SLC4A5: variants seen among roughly 807,000 people sequenced by gnomAD.
The protein encoded by SLC4A5 is solute carrier family 4 member 5, also known as electrogenic sodium bicarbonate cotransporter 4.
SLC4A5 carries 96 observed loss-of-function variants against 120.4 expected under a neutral mutation model. The ratio of observed to expected loss-of-function variants is 0.80; its 90% CI spans 0.68 to 0.94. The LOEUF is 0.94. Among genes scored for constraint, SLC4A5 ranks in the 40% least tolerant of loss-of-function variants. The pLI, the probability that SLC4A5 is intolerant of heterozygous loss-of-function variation, is 0.00. For missense variants in SLC4A5, 1,259 were observed against 1,459.5 expected, an observed-to-expected ratio of 0.86 and a Z score of 2.24; for synonymous variants, 550 against 571.1, an observed-to-expected ratio of 0.96 and a Z score of 0.53.
At chr2:74,284,901 C>T (rs1671933845) in intron 8 of SLC4A5, among the ~76,000 whole-genome samples, 1 of 152,182 alleles carries the variant, frequency 6.6e-6, no homozygotes, top group Non-Finnish European at 1.5e-5. Context: ...CCAGATAGCC[C>T]TCTCCATCTG....
chr2:74,279,276 C>G (rs1469797458), intron 8 of SLC4A5, among the ~76,000 whole-genome samples: 3 of 152,218 alleles, frequency 2.0e-5, no homozygotes, highest in African/African-American at 7.2e-5. Context: ...TGCCCTCTGG[C>G]TTCTGCCCTA....
intron 7 of SLC4A5, chr2:74,290,104 G>A (rs1288019717): frequency 4.1e-6 from 4 of 978,306 alleles, no homozygotes; most frequent in Non-Finnish European, 3.6e-6. Context: ...TACTCCTTGG[G>A]CCCCTGTGCC....
intron 8 of SLC4A5, among the ~76,000 whole-genome samples, chr2:74,274,072 T>C (rs920123566): frequency 1.3e-5 from 2 of 152,256 alleles, no homozygotes; most frequent in African/African-American, 4.8e-5. Flanking sequence ...CCAAGCACTA[T>C]GCTAAGCACT....
In SLC4A5 at chr2:74,280,738, G is replaced by C. The variant is rs767294332; in HGVS notation, c.401+5035C>G. Among the ~76,000 whole-genome samples, 49 of 151,788 alleles carry C rather than the reference G, an allele frequency of 3.2e-4. 1 individual carries two copies. Among genetic ancestry groups the C allele is most frequent in the Non-Finnish European group, 5.4e-4 (37 of 67,962 alleles). On this transcript the variant is annotated intron_variant, in intron 8 of 30. Transcript: ENST00000394019. ...TCACTCTTGTTGCCCAGGCTGGAGT[G>C]CAATGGCACGATCTCGGCTCCCTGC...
At chr2:74,266,025 C>T (rs1671290670) in intron 8 of SLC4A5, among the ~76,000 whole-genome samples, 1 of 152,176 alleles carries the variant, frequency 6.6e-6, no homozygotes, top group African/African-American at 2.4e-5. Flanking sequence ...TCTATTGCAA[C>T]TGAAATCCCA....
intron 19 of SLC4A5, among the ~76,000 whole-genome samples, chr2:74,244,109 C>G (rs774757081): frequency 1.3e-5 from 2 of 152,240 alleles, no homozygotes; most frequent in African/African-American, 4.8e-5. Context: ...GTTCTCCCCC[C>G]TCATCCCAGT....
chr2:74,239,497 C>G, exon 21 of SLC4A5: 1 of 1,614,062 alleles, frequency 6.2e-7, no homozygotes, highest in Non-Finnish European at 8.5e-7. Flanking sequence ...TCTTGCTCAG[C>G]AGGGACCAGT....
intron 4 of SLC4A5, among the ~76,000 whole-genome samples, chr2:74,329,134 G>A (rs1157798144): frequency 1.3e-5 from 2 of 152,218 alleles, no homozygotes; most frequent in Non-Finnish European, 2.9e-5. Context: ...TAGAGGCAGA[G>A]GTGTTGGTTG....
chr2:74,329,398 T>C (rs192894371), intron 4 of SLC4A5, among the ~76,000 whole-genome samples: 195 of 152,294 alleles, frequency 1.3e-3, no homozygotes, highest in African/African-American at 4.4e-3. Context: ...GAGACCAGCC[T>C]GACCAACATG....
rs185969916 is a variant in SLC4A5, at chr2:74,259,083, A to G, written c.867+505T>C. 3.3e-4 allele frequency among the ~76,000 whole-genome samples: 50 copies of G among 152,286 alleles called. 2 individuals carry two copies. Among genetic ancestry groups the G allele is most frequent in the African/African-American group, 1.1e-3 (45 of 41,558 alleles). On this transcript the variant is annotated intron_variant, in intron 12 of 30. Transcript: ENST00000394019. Reference sequence around the variant, plus strand: ...GCTGTGGGCCTTAGAACTGGACCCAATTTGTTTGCAGAATTCTGATCTCAT... The same window carrying G: ...GCTGTGGGCCTTAGAACTGGACCCAGTTTGTTTGCAGAATTCTGATCTCAT...
intron 30 of SLC4A5, among the ~76,000 whole-genome samples, chr2:74,219,178 T>TGTGG (rs1694537138): frequency 3.4e-5 from 1 of 29,382 alleles, no homozygotes; most frequent in African/African-American, 1.5e-4. Context: ...TCTTTGGAGG[T>TGTGG]GTGTGTGTGT....
chr2:74,267,802 C>A (rs1468302647), intron 8 of SLC4A5, among the ~76,000 whole-genome samples: 3 of 152,168 alleles, frequency 2.0e-5, no homozygotes, highest in Non-Finnish European at 4.4e-5. Context: ...TTGAGACCAG[C>A]CTGGGCAACA....
intron 6 of SLC4A5, among the ~76,000 whole-genome samples, chr2:74,308,240 C>T (rs1046435721): frequency 6.6e-6 from 1 of 152,154 alleles, no homozygotes; most frequent in South Asian, 2.1e-4. Context: ...TGGGTACATA[C>T]CTAGGAACAT....
intron 7 of SLC4A5, among the ~76,000 whole-genome samples, chr2:74,297,676 G>A (rs1672373650): frequency 6.6e-6 from 1 of 152,164 alleles, no homozygotes; most frequent in Non-Finnish European, 1.5e-5. Flanking sequence ...CCCCAGGGTA[G>A]AAACCCTGGC....
chr2:74,249,379 C>T (rs771611497), intron 17 of SLC4A5, among the ~76,000 whole-genome samples: 1 of 152,146 alleles, frequency 6.6e-6, no homozygotes, highest in Non-Finnish European at 1.5e-5. Flanking sequence ...AACAGTGTCC[C>T]AGGAAGAGGG....
At chr2:74,267,544 C>G (rs958788433) in intron 8 of SLC4A5, among the ~76,000 whole-genome samples, 1 of 152,226 alleles carries the variant, frequency 6.6e-6, no homozygotes, top group Non-Finnish European at 1.5e-5. Flanking sequence ...GAAAAACACA[C>G]TTGTGTGTGT....
intron 6 of SLC4A5, chr2:74,307,842 C>A: frequency 2.1e-6 from 1 of 469,424 alleles, no homozygotes; most frequent in South Asian, 1.7e-5. Flanking sequence ...CCCCATGCCA[C>A]CCTGGAAGCT....
rs116252692 is a variant in SLC4A5 at position 74,307,572 on chromosome 2, T to C, written c.80-2892A>G. ...ACTGTCGATCTGCACAATGTGGGCA[T>C]TGTCCACAGTATTTGCGAAGATCTG... On this transcript the variant is annotated intron_variant, in intron 6 of 30. Coordinates refer to ENST00000394019, the Ensembl canonical transcript of SLC4A5. 3,819 of 672,130 alleles carry C rather than the reference T, an allele frequency of 5.7e-3. 16 individuals carry two copies. Among genetic ancestry groups the C allele is most frequent in the Non-Finnish European group, 8.4e-3 (3,022 of 361,292 alleles). 41.6% of individuals were successfully genotyped at this position (672,130 alleles called of 1,614,324 possible). A position where few individuals can be genotyped will look rare whatever the true frequency, so the allele number is the denominator to read the frequency against.
intron 2 of SLC4A5, among the ~76,000 whole-genome samples, chr2:74,340,799 G>A (rs1422703817): frequency 6.6e-6 from 1 of 152,110 alleles, no homozygotes; most frequent in Non-Finnish European, 1.5e-5. Context: ...GGAAACCAGG[G>A]ACTCCCCATC....
Sources: gnomAD v4.1 joint callset for allele counts (sites outside exome capture counted in the v4.1 genomes callset) on GRCh38, gnomAD v4.1.1 for gene constraint, MANE v1.5 for transcripts, NCBI Gene and HGNC (gene_info 2026-07-23, HGNC 2026-07-21) for gene names.